HEPH: variants seen among roughly 807,000 people sequenced by gnomAD.
HEPH encodes the protein hephaestin.
A neutral mutation model predicts 80.8 loss-of-function variants in HEPH; 69 were observed. The ratio of observed to expected loss-of-function variants is 0.85; its 90% CI spans 0.70 to 1.04. The LOEUF (loss-of-function observed/expected upper bound fraction) is 1.04. Ranked by LOEUF, HEPH falls within the 50% of genes least tolerant of loss-of-function variation. HEPH has a pLI of 0.00. For missense variants in HEPH, 1,115 were observed against 891.3 expected (o/e 1.25, Z -3.20); for synonymous variants, 431 against 322.8 (o/e 1.34, Z -3.60).
chrX:66,188,252 G>T lies in HEPH; in HGVS notation c.626-107G>T, dbSNP rs765153184. 41 of 559,544 alleles carry T rather than the reference G, an allele frequency of 7.3e-5. No homozygotes were observed. The South Asian group carries it at 1.5e-3, about 20-fold the overall frequency. The allele number at this position is 559,544 out of a possible 1,213,427, so 46.1% of individuals were successfully genotyped here. A position where few individuals can be genotyped will look rare whatever the true frequency, so the allele number is the denominator to read the frequency against. On this transcript the variant is annotated intron_variant, in intron 4 of 20. Coordinates refer to ENST00000343002, the MANE Select transcript of HEPH (RefSeq NM_001367233.3). ...TATTTCTGCTTTTCTGTTGCTTACA[G>T]ATTCTTAAGACCCCTCTCTTTCTAT...
At chrX:66,175,722 C>A (rs1602209537) in intron 4 of HEPH, among the ~76,000 whole-genome samples, 1 of 106,284 alleles carries the variant, frequency 9.4e-6, no homozygotes, top group African/African-American at 3.6e-5. Context: ...AGGTCTTTCA[C>A]CTCCTCAGTT....
At chrX:66,173,904 C>A in intron 4 of HEPH, 103 bp downstream of exon 4, 1 of 488,645 alleles carries the variant, frequency 2.0e-6, no homozygotes, top group Non-Finnish European at 3.3e-6. Context: ...CTGAGGAGTG[C>A]TAATTCAGCA....
chrX:66,190,947 C>T (rs1458604331), intron 6 of HEPH, among the ~76,000 whole-genome samples: 3 of 111,615 alleles, frequency 2.7e-5, no homozygotes, highest in Admixed American at 9.5e-5. Context: ...TTCAAATCCT[C>T]GTTCCATCAC....
intron 15 of HEPH, among the ~76,000 whole-genome samples, chrX:66,236,053 A>C (rs1286145447): frequency 8.9e-6 from 1 of 111,947 alleles, no homozygotes. Flanking sequence ...TTGCCTGCAC[A>C]CAGGGATAGT....
chrX:66,256,413 A>T, intron 17 of HEPH, 83 bp downstream of exon 17: 1 of 669,187 alleles, frequency 1.5e-6, no homozygotes, highest in Non-Finnish European at 2.3e-6. Flanking sequence ...TTGCTACCTA[A>T]GGGAACATAA....
In HEPH at chrX:66,173,693, C is replaced by A; in HGVS notation, c.517C>A (p.Pro173Thr). 1 of 1,209,796 alleles carries A rather than the reference C, an allele frequency of 8.3e-7. No individual in the cohort carries two copies. Among genetic ancestry groups the A allele is most frequent in the Non-Finnish European group, 1.1e-6 (1 of 894,188 alleles). ...YNWTIPEGHAPTDADPACLTW... is the reference protein window; with the variant it reads ...YNWTIPEGHATTDADPACLTW... ...CTGGACCATTCCAGAAGGCCATGCA[C>A]CCACCGATGCTGACCCAGCGTGCCT... Residue 173 changes from proline (P) to threonine (T), a missense_variant, in exon 4 of 21, where the codon CCC becomes ACC. Around this residue, in one of 3 missense-constraint regions of HEPH, gnomAD observed 391 missense variants for 343.6 expected, o/e 1.14. Transcript: ENST00000343002.
intron 4 of HEPH, among the ~76,000 whole-genome samples, chrX:66,178,492 T>C (rs1454009171): frequency 8.9e-6 from 1 of 112,653 alleles, no homozygotes; most frequent in Non-Finnish European, 1.9e-5. Context: ...ATGGCATTTC[T>C]AGTTCTAGAT....
intron 9 of HEPH, among the ~76,000 whole-genome samples, chrX:66,197,106 T>A (rs1204644991): frequency 9.0e-6 from 1 of 110,659 alleles, no homozygotes; most frequent in Non-Finnish European, 1.9e-5. Flanking sequence ...ACTGATGGCA[T>A]GAAAATTTGA....
chrX:66,180,161 T>C (rs918153977), intron 4 of HEPH, among the ~76,000 whole-genome samples: 2 of 111,265 alleles, frequency 1.8e-5, no homozygotes, highest in African/African-American at 6.5e-5. Context: ...TATTTTTTTG[T>C]TTTTGCTTTT....
At chrX:66,207,450 C>T (rs1320346423) in intron 14 of HEPH, 116 bp downstream of exon 14, 4 of 482,249 alleles carry the variant, frequency 8.3e-6, no homozygotes, top group Non-Finnish European at 1.2e-5. Flanking sequence ...ATATGATATA[C>T]TGGAATTATG....
chrX:66,225,844 G>A (rs2089864483), intron 15 of HEPH, among the ~76,000 whole-genome samples: 1 of 112,646 alleles, frequency 8.9e-6, no homozygotes, highest in Non-Finnish European at 1.9e-5. Flanking sequence ...AAGAAATGTA[G>A]CAGGAAAAGC....
At chrX:66,209,902 G>A (rs2089018898) in intron 15 of HEPH, among the ~76,000 whole-genome samples, 1 of 111,139 alleles carries the variant, frequency 9.0e-6, no homozygotes, top group African/African-American at 3.3e-5. Context: ...ATCAAATATA[G>A]GTATCTAGAC....
intron 6 of HEPH, among the ~76,000 whole-genome samples, chrX:66,190,356 C>A (rs2087725526): frequency 9.0e-6 from 1 of 111,247 alleles, no homozygotes; most frequent in Non-Finnish European, 1.9e-5. Context: ...TACATAGTTA[C>A]ACTCTGGTTG....
At chrX:66,230,280 G>T (rs1340401395) in intron 15 of HEPH, among the ~76,000 whole-genome samples, 1 of 95,256 alleles carries the variant, frequency 1.0e-5, no homozygotes, top group Non-Finnish European at 2.0e-5. Flanking sequence ...TAGTCATTTG[G>T]GTATATACCC....
chrX:66,167,320 C>T (rs2086414319), intron 1 of HEPH, among the ~76,000 whole-genome samples: 1 of 112,136 alleles, frequency 8.9e-6, no homozygotes, highest in Non-Finnish European at 1.9e-5. Flanking sequence ...CCCACCACTC[C>T]CCAGATTCTA....
At chrX:66,259,083 AGAGC>A in intron 18 of HEPH, 104 bp downstream of exon 18, 5 of 901,886 alleles carry the variant, frequency 5.5e-6, no homozygotes, top group Non-Finnish European at 7.5e-6. Flanking sequence ...AATTAGTTAA[AGAGC>A]AGAGGTCTAG....
chrX:66,211,413 A>T lies in HEPH; in HGVS notation c.2563+3167A>T, dbSNP rs758014950. Among the ~76,000 whole-genome samples the T allele has an allele frequency of 3.6e-5, 4 of 111,687 alleles. No individual in the cohort carries two copies. In the Admixed American group the frequency reaches 3.8e-4, roughly 11 times the overall value. On this transcript the variant is annotated intron_variant, in intron 15 of 20. Coordinates refer to ENST00000343002, the MANE Select transcript of HEPH (RefSeq NM_001367233.3). ...TTAAGTATAGTAATCTTAATCTGCTATCAAACATTGAATTCATTCCATTTT... is the reference window on the plus strand; with the variant it reads ...TTAAGTATAGTAATCTTAATCTGCTTTCAAACATTGAATTCATTCCATTTT...
chrX:66,260,946 T>G (rs2091340285), intron 19 of HEPH, among the ~76,000 whole-genome samples: 1 of 111,058 alleles, frequency 9.0e-6, no homozygotes, highest in South Asian at 3.8e-4. Context: ...TTTATACTTT[T>G]TGTAGAGAAG....
chrX:66,228,062 G>GA (rs1333832243), intron 15 of HEPH, among the ~76,000 whole-genome samples: 1 of 111,662 alleles, frequency 9.0e-6, no homozygotes, highest in East Asian at 2.8e-4. Context: ...ATTTACAAAA[G>GA]AAAGAGGTTT....
Sources: allele counts gnomAD v4.1 joint callset (sites outside exome capture counted in the v4.1 genomes callset), GRCh38; gene constraint gnomAD v4.1.1; regional missense constraint gnomAD v4.1.1; transcripts MANE v1.5; gene names NCBI Gene and HGNC (gene_info 2026-07-23, HGNC 2026-07-21).